The following NXPH2 variants were observed in gnomAD, a reference collection of about 807,000 sequenced individuals.
NXPH2 encodes the protein neurexophilin 2.
In NXPH2, 5 loss-of-function variants were observed where a neutral mutation model predicts 19.8. The observed-to-expected ratio is 0.25, with a 90% CI of 0.13 to 0.53. NXPH2 has a LOEUF of 0.53. Among genes scored for constraint, NXPH2 ranks in the 20% least tolerant of loss-of-function variants. The pLI, the probability that NXPH2 is intolerant of heterozygous loss-of-function variation, is 0.96. For synonymous variants in NXPH2, 154 were observed against 127.4 expected, an observed-to-expected ratio of 1.21 and a Z score of -1.41; for missense variants, 289 against 322.8, an observed-to-expected ratio of 0.90 and a Z score of 0.80.
intron 1 of NXPH2, among the ~76,000 whole-genome samples, chr2:138,694,231 A>G (rs936270445): frequency 5.9e-5 from 9 of 152,180 alleles, no homozygotes; most frequent in Non-Finnish European, 1.3e-4. Flanking sequence ...ATGCCTCCCA[A>G]CTGAGGAACT....
intron 1 of NXPH2, among the ~76,000 whole-genome samples, chr2:138,672,093 A>G (rs987579465): frequency 6.6e-6 from 1 of 152,214 alleles, no homozygotes; most frequent in African/African-American, 2.4e-5. Flanking sequence ...AATGATATTG[A>G]TAAGTCTTAA....
chr2:138,673,582 T>C (rs1372264341), intron 1 of NXPH2, among the ~76,000 whole-genome samples: 1 of 152,088 alleles, frequency 6.6e-6, no homozygotes, highest in Non-Finnish European at 1.5e-5. Flanking sequence ...TATAGTATAG[T>C]CACCCTACAA....
At chr2:138,743,636 C>T (rs1394360641) in intron 1 of NXPH2, among the ~76,000 whole-genome samples, 1 of 152,060 alleles carries the variant, frequency 6.6e-6, no homozygotes, top group Non-Finnish European at 1.5e-5. Context: ...TATACTGAAA[C>T]CCACAGAATA....
chr2:138,760,474 G>A (rs4524069), intron 1 of NXPH2, among the ~76,000 whole-genome samples: 37,090 of 152,108 alleles, frequency 0.24, 4,653 homozygotes, highest in Admixed American at 0.33. Context: ...TCCATTGCAC[G>A]GAGGTCCCTG....
At chr2:138,779,117 AGAGC>A in intron 1 of NXPH2, among the ~76,000 whole-genome samples, 1 of 152,312 alleles carries the variant, frequency 6.6e-6, no homozygotes, top group East Asian at 1.9e-4. Flanking sequence ...AACGAGAGAG[AGAGC>A]GAGCGAGAGA....
chr2:138,760,422 A>G (rs1681992099), intron 1 of NXPH2, among the ~76,000 whole-genome samples: 1 of 152,222 alleles, frequency 6.6e-6, no homozygotes, highest in Non-Finnish European at 1.5e-5. Flanking sequence ...TAACAGCAAA[A>G]TTCTGGGAAG....
chr2:138,742,352 AAC>A (rs5834624), intron 1 of NXPH2, among the ~76,000 whole-genome samples: 4,782 of 152,242 alleles, frequency 0.031, 241 homozygotes, highest in African/African-American at 0.11. Context: ...AGGCCTTTTT[AAC>A]ACAGCATATT....
intron 1 of NXPH2, among the ~76,000 whole-genome samples, chr2:138,685,921 T>C (rs1680644231): frequency 6.6e-6 from 1 of 152,198 alleles, no homozygotes. Context: ...GACTTGGTTC[T>C]TCCTCTTGTA....
At chr2:138,772,002 C>A (rs1263928131) in intron 1 of NXPH2, among the ~76,000 whole-genome samples, 1 of 152,186 alleles carries the variant, frequency 6.6e-6, no homozygotes. Context: ...TTAATGCTCT[C>A]AAATTCTACA....
At position 138,725,539 on chromosome 2, in the gene NXPH2, T is replaced by C. The variant is rs75665666; in HGVS notation, c.52-53874A>G. Among the ~76,000 whole-genome samples the C allele has an allele frequency of 6.2e-3, 951 of 152,332 alleles. 7 individuals are homozygous for C. Among genetic ancestry groups the C allele is most frequent in the African/African-American group, 0.021 (866 of 41,582 alleles). On this transcript the variant is annotated intron_variant, in intron 1 of 1. Coordinates refer to ENST00000272641, the MANE Select transcript of NXPH2 (RefSeq NM_007226.3). ...CATTCATTAACAGAAGCTAAAATCA[T>C]GGTTTCATGAATGAAACCATTTTCT...
intron 1 of NXPH2, among the ~76,000 whole-genome samples, chr2:138,760,144 A>G (rs186257901): frequency 7.7e-4 from 117 of 152,318 alleles, no homozygotes; most frequent in Middle Eastern, 3.4e-3. Context: ...AAATTCATTC[A>G]TCCCAAAGAA....
chr2:138,721,420 A>C (rs189972128), intron 1 of NXPH2, among the ~76,000 whole-genome samples: 152 of 152,166 alleles, frequency 1.0e-3, no homozygotes, highest in African/African-American at 3.6e-3. Flanking sequence ...AATTGGAAAG[A>C]GTCTATATGC....
intron 1 of NXPH2, among the ~76,000 whole-genome samples, chr2:138,692,932 T>C (rs1464465464): frequency 6.6e-6 from 1 of 152,226 alleles, no homozygotes; most frequent in Non-Finnish European, 1.5e-5. Context: ...TTCATATAAA[T>C]TAAACTTTTT....
intron 1 of NXPH2, among the ~76,000 whole-genome samples, chr2:138,778,638 C>A (rs111858800): frequency 1.3e-4 from 20 of 152,260 alleles, no homozygotes; most frequent in African/African-American, 4.8e-4. Context: ...TCTGAAGACC[C>A]CACATAAACA....
chr2:138,745,493 C>CGG (rs56011084), intron 1 of NXPH2, among the ~76,000 whole-genome samples: 30 of 90,232 alleles, frequency 3.3e-4, no homozygotes, highest in East Asian at 2.8e-3. Context: ...CTTTTTTTGG[C>CGG]GGGGGGGGGG....
At chr2:138,702,395 C>T (rs1003937947) in intron 1 of NXPH2, among the ~76,000 whole-genome samples, 2 of 152,200 alleles carry the variant, frequency 1.3e-5, no homozygotes, top group African/African-American at 4.8e-5. Flanking sequence ...GCTGGGATTT[C>T]AGGCATGAGC....
chr2:138,770,602 T>C (rs938147392), intron 1 of NXPH2, among the ~76,000 whole-genome samples: 2 of 152,024 alleles, frequency 1.3e-5, no homozygotes, highest in Non-Finnish European at 2.9e-5. Flanking sequence ...TAAAAAATAT[T>C]ACAACTAATA....
chr2:138,777,282 A>C (rs1682277525), intron 1 of NXPH2, among the ~76,000 whole-genome samples: 1 of 152,146 alleles, frequency 6.6e-6, no homozygotes, highest in African/African-American at 2.4e-5. Context: ...GAAAAGATAT[A>C]ACATGCTCTT....
chr2:138,756,357 T>G (rs1377227250), intron 1 of NXPH2, among the ~76,000 whole-genome samples: 2 of 152,096 alleles, frequency 1.3e-5, no homozygotes, highest in East Asian at 3.9e-4. Flanking sequence ...ACACTTACTC[T>G]AAGATTTTTC....
Sources: gnomAD v4.1 joint callset for allele counts (sites outside exome capture counted in the v4.1 genomes callset) on GRCh38, gnomAD v4.1.1 for gene constraint, MANE v1.5 for transcripts, NCBI Gene and HGNC (gene_info 2026-07-23, HGNC 2026-07-21) for gene names.